The following CCDC195 variants were observed in gnomAD, a reference collection of about 807,000 sequenced individuals.
CCDC195 encodes coiled-coil domain containing 195.
chr2:224,715,295 C>A (rs1689365232), intron 1 of CCDC195, among the ~76,000 whole-genome samples: 1 of 152,076 alleles, frequency 6.6e-6, no homozygotes, highest in South Asian at 2.1e-4. Flanking sequence ...TGTGTGTAGG[C>A]AGGTATTGAC....
At chr2:224,716,269 T>C (rs953473803) in exon 1 of CCDC195, 37 of 398,596 alleles carry the variant, frequency 9.3e-5, no homozygotes, top group Non-Finnish European at 1.5e-4. Flanking sequence ...CTACTTGCAG[T>C]GAGTTTCATC....
At chr2:224,707,177 G>A (rs997265201) in intron 2 of CCDC195, among the ~76,000 whole-genome samples, 6 of 151,920 alleles carry the variant, frequency 3.9e-5, no homozygotes, top group Non-Finnish European at 7.4e-5. Context: ...CCTTGTTTTC[G>A]ATATTGTTCT....
At chr2:224,711,348 T>C (rs1299591768) in intron 1 of CCDC195, among the ~76,000 whole-genome samples, 1 of 146,892 alleles carries the variant, frequency 6.8e-6, no homozygotes, top group African/African-American at 2.6e-5. Context: ...TTGAGGTAAA[T>C]CAAATCTTCC....
At chr2:224,708,098 GC>G (rs1432049850) in intron 2 of CCDC195, among the ~76,000 whole-genome samples, 1 of 149,996 alleles carries the variant, frequency 6.7e-6, no homozygotes, top group Non-Finnish European at 1.5e-5. Flanking sequence ...CAAGGGATTT[GC>G]CCACCTCAGC....
chr2:224,707,983 C>G (rs1294869100), intron 2 of CCDC195, among the ~76,000 whole-genome samples: 1 of 56,780 alleles, frequency 1.8e-5, no homozygotes, highest in African/African-American at 1.1e-4. Flanking sequence ...TCCCTCCCTC[C>G]CTCCCTCCCT....
At chr2:224,712,697 A>T (rs1032962061) in intron 1 of CCDC195, among the ~76,000 whole-genome samples, 1 of 152,198 alleles carries the variant, frequency 6.6e-6, no homozygotes, top group Admixed American at 6.5e-5. Flanking sequence ...AGTGAGACTC[A>T]TATTTCTGAT....
At chr2:224,715,230 T>C (rs1011571335) in intron 1 of CCDC195, among the ~76,000 whole-genome samples, 1 of 152,176 alleles carries the variant, frequency 6.6e-6, no homozygotes, top group Non-Finnish European at 1.5e-5. Context: ...TGACAGATGA[T>C]TTTAAGAGTT....
At chr2:224,715,965 C>G (rs1689377834) in intron 1 of CCDC195, among the ~76,000 whole-genome samples, 166 bp downstream of exon 1, 5 of 152,256 alleles carry the variant, frequency 3.3e-5, no homozygotes, top group Middle Eastern at 3.4e-3. Context: ...GATGCTAAAG[C>G]CATTTTTGTC....
chr2:224,709,567 A>G (rs549981442), intron 2 of CCDC195, among the ~76,000 whole-genome samples: 99 of 152,322 alleles, frequency 6.5e-4, no homozygotes, highest in African/African-American at 2.2e-3. Context: ...GGTGTTCTGC[A>G]TTCAGCTCTT....
intron 1 of CCDC195, among the ~76,000 whole-genome samples, chr2:224,713,319 G>C (rs892780088): frequency 1.3e-5 from 2 of 152,160 alleles, no homozygotes; most frequent in Non-Finnish European, 2.9e-5. Context: ...ATGATATTAT[G>C]ACAACTATTA....
intron 2 of CCDC195, among the ~76,000 whole-genome samples, chr2:224,704,308 C>A (rs1697211783): frequency 6.6e-6 from 1 of 152,226 alleles, no homozygotes; most frequent in Non-Finnish European, 1.5e-5. Context: ...ACTGAATACA[C>A]ATCATGCCTG....
At chr2:224,709,510 A>AGTGGG (rs1689283002) in intron 2 of CCDC195, among the ~76,000 whole-genome samples, 2 of 152,080 alleles carry the variant, frequency 1.3e-5, no homozygotes, top group African/African-American at 4.8e-5. Flanking sequence ...ATTTCCCCTA[A>AGTGGG]CGCCCACTAA....
chr2:224,704,890 G>A (rs368122426), intron 2 of CCDC195, among the ~76,000 whole-genome samples: 52 of 152,018 alleles, frequency 3.4e-4, no homozygotes, highest in African/African-American at 1.3e-3. Context: ...CCGAAATGCT[G>A]GGATTTCAGG....
intron 2 of CCDC195, 99 bp from the exon 3 acceptor site, chr2:224,703,986 G>A (rs1460665898): frequency 2.5e-6 from 1 of 395,940 alleles, no homozygotes; most frequent in Non-Finnish European, 4.4e-6. Flanking sequence ...ACTACCTACA[G>A]TGTTAAAAGT....
At chr2:224,707,152 C>G (rs760207295) in intron 2 of CCDC195, among the ~76,000 whole-genome samples, 1 of 152,140 alleles carries the variant, frequency 6.6e-6, no homozygotes, top group Non-Finnish European at 1.5e-5. Context: ...TATTTTATAG[C>G]CTTCAGTCTG....
intron 2 of CCDC195, among the ~76,000 whole-genome samples, chr2:224,706,591 A>G (rs1355641382): frequency 1.3e-5 from 2 of 148,770 alleles, no homozygotes; most frequent in African/African-American, 2.5e-5. Flanking sequence ...GTTCACTGCA[A>G]ACTGTGCCTC....
In CCDC195 at chr2:224,711,716, T is replaced by G. The variant is rs564095481; in HGVS notation, c.236-1497A>C. 9.8e-5 allele frequency among the ~76,000 whole-genome samples: 15 copies of G among 152,286 alleles called. No homozygotes were observed. In the East Asian group the frequency reaches 2.9e-3, roughly 29 times the overall value. Reference sequence around the variant, plus strand: ...TTTGAGAGTGCCAGAAGCACAATTATTTTTTATTTATGTTTGCTGACTGCT... The same window carrying G: ...TTTGAGAGTGCCAGAAGCACAATTAGTTTTTATTTATGTTTGCTGACTGCT... On this transcript the variant is annotated intron_variant, in intron 1 of 2. Coordinates refer to ENST00000638102, the Ensembl canonical transcript of CCDC195.
chr2:224,715,190 G>A (rs554119574), intron 1 of CCDC195, among the ~76,000 whole-genome samples: 22 of 152,284 alleles, frequency 1.4e-4, no homozygotes, highest in Non-Finnish European at 2.8e-4. Flanking sequence ...GCTTCCCAAA[G>A]TGCTTCTAAT....
intron 1 of CCDC195, among the ~76,000 whole-genome samples, chr2:224,714,174 TTATTGGAAATTACCACCCA>T (rs1173362818): frequency 6.6e-6 from 1 of 152,164 alleles, no homozygotes; most frequent in African/African-American, 2.4e-5. Context: ...GCTAACATTC[TTATTGGAAATTACCACCCA>T]TATGCTGAAG....
Sources: gnomAD v4.1 joint callset for allele counts (sites outside exome capture counted in the v4.1 genomes callset) on GRCh38, gnomAD v4.1.1 for gene constraint, MANE v1.5 for transcripts, NCBI Gene and HGNC (gene_info 2026-07-23, HGNC 2026-07-21) for gene names.